The following SLC35F1 variants were observed in gnomAD, a reference collection of about 807,000 sequenced individuals.
SLC35F1 encodes the protein chromosome 6 open reading frame 169.
SLC35F1 carries 14 observed loss-of-function variants against 48.7 expected under a neutral mutation model. That is an observed-to-expected ratio of 0.29 (90% CI 0.19 to 0.45). SLC35F1 has a LOEUF of 0.45. Among genes scored for constraint, SLC35F1 ranks in the 20% least tolerant of loss-of-function variants. The probability of loss-of-function intolerance (pLI) is 1.00; values close to 1 mark genes in which losing one functional copy is unlikely to be tolerated. For synonymous variants in SLC35F1, 190 were observed against 202.2 expected (o/e 0.94, Z 0.51); for missense variants, 404 against 500.0 (o/e 0.81, Z 1.83).
intron 2 of SLC35F1, among the ~76,000 whole-genome samples, chr6:118,168,458 C>G (rs532074548): frequency 6.6e-6 from 1 of 152,006 alleles, no homozygotes; most frequent in Non-Finnish European, 1.5e-5. Context: ...TAAAATAGAA[C>G]AATTATAACA....
At chr6:118,180,142 G>A (rs1459421056) in intron 2 of SLC35F1, among the ~76,000 whole-genome samples, 1 of 152,128 alleles carries the variant, frequency 6.6e-6, no homozygotes, top group African/African-American at 2.4e-5. Flanking sequence ...GGGCTAGAAA[G>A]CATATTATCT....
At position 118,315,453 on chromosome 6, in the gene SLC35F1, T is replaced by C. The variant is rs1455152586; in HGVS notation, c.*1201T>C. On this transcript the variant is annotated 3_prime_UTR_variant, in exon 8 of 8. Coordinates refer to ENST00000360388, the MANE Select transcript of SLC35F1 (RefSeq NM_001029858.4). ...ACATTCTTTTTTTTTTTTTTTTTTT[T>C]TTTTGAGACGGAGTCTCACTCTGTC... The C allele has an allele frequency of 6.8e-6, 1 of 147,948 alleles. No homozygotes were observed. Among genetic ancestry groups the C allele is most frequent in the East Asian group, 2.0e-4 (1 of 5,070 alleles). The allele number at this position is 147,948 out of a possible 1,614,324, so 9.2% of individuals were successfully genotyped here. A position where few individuals can be genotyped will look rare whatever the true frequency, so the allele number is the denominator to read the frequency against.
intron 3 of SLC35F1, among the ~76,000 whole-genome samples, chr6:118,261,756 A>G (rs115541313): frequency 0.049 from 7,466 of 152,134 alleles, 643 homozygotes; most frequent in African/African-American, 0.17. Flanking sequence ...GCAGCTGGCC[A>G]CCCACTTGGC....
intron 3 of SLC35F1, among the ~76,000 whole-genome samples, chr6:118,242,766 T>C (rs990128734): frequency 4.6e-5 from 7 of 152,228 alleles, no homozygotes; most frequent in African/African-American, 1.7e-4. Context: ...ATTAAACTAG[T>C]GTTTCTGTGA....
chr6:118,215,230 G>A (rs1775056117), intron 2 of SLC35F1, among the ~76,000 whole-genome samples: 1 of 152,088 alleles, frequency 6.6e-6, no homozygotes, highest in African/African-American at 2.4e-5. Context: ...TCTATATTTG[G>A]CCAGACCGCA....
chr6:118,239,741 GTTTAT>G (rs1425030976), intron 3 of SLC35F1, among the ~76,000 whole-genome samples: 1 of 151,936 alleles, frequency 6.6e-6, no homozygotes, highest in Non-Finnish European at 1.5e-5. Context: ...CTATGAAAAC[GTTTAT>G]TTTAATTCTG....
Position 118,012,326 on chromosome 6 carries a change from GAA to G in SLC35F1, c.173+104440_173+104441del, listed in dbSNP as rs11395051. ...ACAGCATGCAGGGACAATAAATGGG[GAA>G]AAAAAAAAAAAAGAAAAACTAAATG... On this transcript the variant is annotated intron_variant, in intron 1 of 7. Transcript: ENST00000360388. Among the ~76,000 whole-genome samples the G allele has an allele frequency of 1.4e-3, 188 of 137,270 alleles. 1 individual carries two copies. Among genetic ancestry groups the G allele is most frequent in the African/African-American group, 5.0e-3 (179 of 35,926 alleles). The allele number at this position is 137,270 out of a possible 152,430, so 90.1% of individuals were successfully genotyped here. A position where few individuals can be genotyped will look rare whatever the true frequency, so the allele number is the denominator to read the frequency against.
At chr6:118,047,608 A>G (rs1248118419) in intron 1 of SLC35F1, among the ~76,000 whole-genome samples, 3 of 152,180 alleles carry the variant, frequency 2.0e-5, no homozygotes, top group Admixed American at 2.0e-4. Flanking sequence ...GAAAATACAC[A>G]TGTTGATTTC....
At chr6:118,026,514 G>A (rs1400317720) in intron 1 of SLC35F1, among the ~76,000 whole-genome samples, 1 of 152,182 alleles carries the variant, frequency 6.6e-6, no homozygotes, top group Non-Finnish European at 1.5e-5. Context: ...ATCACTCTTG[G>A]TTCTCTGCTT....
intron 1 of SLC35F1, among the ~76,000 whole-genome samples, chr6:118,034,211 T>C (rs1772094866): frequency 6.6e-6 from 1 of 152,112 alleles, no homozygotes; most frequent in Non-Finnish European, 1.5e-5. Flanking sequence ...TTTTAAAACA[T>C]CTTAAAAATA....
At chr6:118,294,873 A>G (rs1338028498) in intron 7 of SLC35F1, among the ~76,000 whole-genome samples, 1 of 152,198 alleles carries the variant, frequency 6.6e-6, no homozygotes, top group African/African-American at 2.4e-5. Flanking sequence ...AACTCCAACT[A>G]TTCTAGGTAA....
At chr6:118,144,612 TAA>T (rs34395503) in intron 1 of SLC35F1, among the ~76,000 whole-genome samples, 12,181 of 143,332 alleles carry the variant, frequency 0.085, 684 homozygotes, top group South Asian at 0.27. Context: ...TTGAAAATGT[TAA>T]AAAAAAAAAA....
intron 2 of SLC35F1, among the ~76,000 whole-genome samples, chr6:118,222,641 A>G (rs1775166206): frequency 6.6e-6 from 1 of 152,238 alleles, no homozygotes; most frequent in Admixed American, 6.5e-5. Context: ...TGGTTTACTA[A>G]CATCTTCCAA....
In SLC35F1 at chr6:117,951,718, G is replaced by A. The variant is rs549563748; in HGVS notation, c.173+43819G>A. The stretch of plus-strand genomic sequence containing the variant: ...GAATATGCTAAGGATAAGAGACTGG[G>A]GAAAGAGCCCTGTGCAAACCCAGGC... On this transcript the variant is annotated intron_variant, in intron 1 of 7. Coordinates refer to ENST00000360388, the MANE Select transcript of SLC35F1 (RefSeq NM_001029858.4). 5.9e-5 allele frequency among the ~76,000 whole-genome samples: 9 copies of A among 152,302 alleles called. No homozygotes were observed. The South Asian group carries it at 1.7e-3, about 28-fold the overall frequency.
chr6:118,107,366 C>T (rs1427471223), intron 1 of SLC35F1, among the ~76,000 whole-genome samples: 1 of 152,208 alleles, frequency 6.6e-6, no homozygotes, highest in African/African-American at 2.4e-5. Context: ...AAACTCTTTT[C>T]TCCCATTGTC....
chr6:117,981,601 T>C (rs182149354), intron 1 of SLC35F1, among the ~76,000 whole-genome samples: 6 of 152,220 alleles, frequency 3.9e-5, no homozygotes, highest in Admixed American at 2.0e-4. Flanking sequence ...CCAAGCATCA[T>C]TGGAGGGCTT....
intron 1 of SLC35F1, among the ~76,000 whole-genome samples, chr6:118,043,485 C>G (rs1040246601): frequency 7.6e-4 from 115 of 151,928 alleles, no homozygotes; most frequent in African/African-American, 2.8e-3. Context: ...TAAATGGTAC[C>G]TTTTCAAGGC....
At chr6:118,308,522 C>T (rs947426695) in intron 7 of SLC35F1, among the ~76,000 whole-genome samples, 1 of 152,188 alleles carries the variant, frequency 6.6e-6, no homozygotes, top group African/African-American at 2.4e-5. Flanking sequence ...CAGGTATTTT[C>T]CTGCTTACCC....
chr6:118,292,261 A>G (rs2114649661), intron 7 of SLC35F1, among the ~76,000 whole-genome samples: 1 of 152,304 alleles, frequency 6.6e-6, no homozygotes, highest in South Asian at 2.1e-4. Context: ...CCTGGTTCAG[A>G]CTTACTGTAC....
Sources: allele counts gnomAD v4.1 joint callset (sites outside exome capture counted in the v4.1 genomes callset), GRCh38; gene constraint gnomAD v4.1.1; transcripts MANE v1.5; gene names NCBI Gene and HGNC (gene_info 2026-07-23, HGNC 2026-07-21).